The following SLC30A7 variants were observed in gnomAD, a reference collection of about 807,000 sequenced individuals.
The protein encoded by SLC30A7 is zinc transporter 7.
A neutral mutation model predicts 46.0 loss-of-function variants in SLC30A7; 35 were observed. That is an observed-to-expected ratio of 0.76 (90% CI 0.58 to 1.01). SLC30A7 has a LOEUF of 1.01. Among genes scored for constraint, SLC30A7 ranks in the 50% least tolerant of loss-of-function variants. SLC30A7 has a pLI of 0.00. For synonymous variants in SLC30A7, 147 were observed against 157.8 expected (o/e 0.93, Z 0.51); for missense variants, 464 against 451.1 (o/e 1.03, Z -0.26).
chr1:100,949,757 G>A (rs940244990), intron 8 of SLC30A7, among the ~76,000 whole-genome samples: 1 of 152,192 alleles, frequency 6.6e-6, no homozygotes, highest in Admixed American at 6.5e-5. Context: ...AGCATTGCAG[G>A]TCGATCTCAG....
At chr1:100,990,711 A>C in the SLC30A7 span, 1 of 1,343,068 alleles carries the variant, frequency 7.4e-7, no homozygotes, top group Non-Finnish European at 1.0e-6. Context: ...TTAGTACCAC[A>C]AGTACATTTC....
At chr1:100,926,325 C>T (rs954024371) in intron 8 of SLC30A7, among the ~76,000 whole-genome samples, 3 of 152,042 alleles carry the variant, frequency 2.0e-5, no homozygotes, top group Non-Finnish European at 2.9e-5. Flanking sequence ...CTCACAGTTC[C>T]GTAGGCTTTA....
chr1:100,931,250 G>A (rs546131388), intron 8 of SLC30A7, among the ~76,000 whole-genome samples: 1 of 152,210 alleles, frequency 6.6e-6, no homozygotes, highest in Admixed American at 6.5e-5. Context: ...ACAGTATCAG[G>A]TATTAATTCA....
At chr1:100,905,642 C>A (rs983054749) in intron 2 of SLC30A7, among the ~76,000 whole-genome samples, 1 of 152,002 alleles carries the variant, frequency 6.6e-6, no homozygotes, top group African/African-American at 2.4e-5. Flanking sequence ...TGTTTAACTT[C>A]TTTTGACCTA....
chr1:100,941,726 T>C, intron 8 of SLC30A7: 1 of 639,768 alleles, frequency 1.6e-6, no homozygotes, highest in Non-Finnish European at 2.9e-6. Context: ...CCATCCACCT[T>C]GTGTAGCTTT....
chr1:100,921,312 A>G (rs1276434143), intron 7 of SLC30A7, among the ~76,000 whole-genome samples: 2 of 152,130 alleles, frequency 1.3e-5, no homozygotes, highest in Non-Finnish European at 2.9e-5. Context: ...ACGTATATCT[A>G]TAGTTAAAAA....
intron 2 of SLC30A7, among the ~76,000 whole-genome samples, chr1:100,903,959 A>C (rs1446350024): frequency 1.3e-5 from 2 of 152,182 alleles, no homozygotes; most frequent in African/African-American, 2.4e-5. Context: ...ATAGTTAATA[A>C]TTAATAATGT....
At chr1:100,926,079 A>G (rs1375476074) in intron 8 of SLC30A7, among the ~76,000 whole-genome samples, 1 of 152,204 alleles carries the variant, frequency 6.6e-6, no homozygotes, top group Non-Finnish European at 1.5e-5. Flanking sequence ...GTAGGCTTCC[A>G]AGGTAAAACT....
chr1:100,907,092 A>T, intron 3 of SLC30A7, 127 bp downstream of exon 3: 1 of 603,414 alleles, frequency 1.7e-6, no homozygotes, highest in Non-Finnish European at 2.8e-6. Context: ...TGAAGCCCCC[A>T]CTCAGGCCTC....
intron 7 of SLC30A7, among the ~76,000 whole-genome samples, chr1:100,921,415 C>G (rs1570532929): frequency 6.6e-6 from 1 of 152,254 alleles, no homozygotes. Flanking sequence ...GGTGAATGTT[C>G]ACAAACAATT....
intron 10 of SLC30A7, among the ~76,000 whole-genome samples, chr1:100,969,539 G>T (rs1656044868): frequency 6.6e-6 from 1 of 152,192 alleles, no homozygotes; most frequent in South Asian, 2.1e-4. Context: ...TTTCATTCAA[G>T]TAAGTGGAAG....
chr1:100,994,565 T>A, the SLC30A7 span, among the ~76,000 whole-genome samples: 1 of 151,566 alleles, frequency 6.6e-6, no homozygotes, highest in African/African-American at 2.4e-5. Context: ...CTCACTCTGT[T>A]ACCCAGGCTG....
intron 8 of SLC30A7, among the ~76,000 whole-genome samples, chr1:100,933,004 TCTCG>T (rs1557991642): frequency 6.7e-6 from 1 of 148,158 alleles, no homozygotes; most frequent in Non-Finnish European, 1.5e-5. Context: ...TGAGACGGAG[TCTCG>T]CTCTGTCGCC....
At chr1:100,904,388 C>G (rs1039624802) in intron 2 of SLC30A7, among the ~76,000 whole-genome samples, 3 of 152,152 alleles carry the variant, frequency 2.0e-5, no homozygotes, top group African/African-American at 7.2e-5. Flanking sequence ...TTTCCCACTT[C>G]TCTACCAAAT....
intron 8 of SLC30A7, chr1:100,941,180 G>A (rs1654323675): frequency 2.7e-6 from 1 of 365,602 alleles, no homozygotes; most frequent in Non-Finnish European, 5.3e-6. Flanking sequence ...TGTTGTAATT[G>A]CCAAGATCAT....
chr1:100,900,821 T>C (rs917443130), intron 2 of SLC30A7, among the ~76,000 whole-genome samples: 7 of 152,194 alleles, frequency 4.6e-5, no homozygotes, highest in African/African-American at 1.2e-4. Flanking sequence ...GATGATTCCT[T>C]ATTTTCAATT....
In SLC30A7 at chr1:100,966,458, G is replaced by A. The variant is rs149652836; in HGVS notation, c.1083+540G>A. On this transcript the variant is annotated intron_variant, in intron 10 of 10. Coordinates refer to ENST00000357650, the MANE Select transcript of SLC30A7 (RefSeq NM_133496.5). ...AAATTAGCCGGGTGTGGTGACAGGC[G>A]ACTGTGGTTCCAGCTACTTGGGAGG... Among the ~76,000 whole-genome samples, 741 of 151,810 alleles carry A rather than the reference G, an allele frequency of 4.9e-3. 12 individuals are homozygous for A. Among genetic ancestry groups the A allele is most frequent in the African/African-American group, 0.017 (706 of 41,360 alleles).
In SLC30A7 at chr1:100,977,741, TG is replaced by T. The variant is rs953912123; in HGVS notation, c.*2885del. 2 of 152,156 alleles carry T rather than the reference TG, an allele frequency of 1.3e-5. No homozygotes were observed. Among genetic ancestry groups the T allele is most frequent in the Non-Finnish European group, 2.9e-5 (2 of 68,020 alleles). 9.4% of individuals were successfully genotyped at this position (152,156 alleles called of 1,614,324 possible). A position where few individuals can be genotyped will look rare whatever the true frequency, so the allele number is the denominator to read the frequency against. On this transcript the variant is annotated 3_prime_UTR_variant, in exon 11 of 11. Coordinates refer to ENST00000357650, the MANE Select transcript of SLC30A7 (RefSeq NM_133496.5). Reference sequence around the variant, plus strand: ...AATATAGCTATACTATCTTTGGTTTTGTTTTTTTGTTTTTTTTGTTTGTTTG... The same window carrying T: ...AATATAGCTATACTATCTTTGGTTTTTTTTTTTGTTTTTTTTGTTTGTTTG...
intron 2 of SLC30A7, among the ~76,000 whole-genome samples, chr1:100,902,754 A>G (rs1570500927): frequency 6.6e-6 from 1 of 152,074 alleles, no homozygotes; most frequent in Non-Finnish European, 1.5e-5. Flanking sequence ...CTTCTTCCAA[A>G]TTTCTCTTTT....
Sources: allele counts gnomAD v4.1 joint callset (sites outside exome capture counted in the v4.1 genomes callset), GRCh38; gene constraint gnomAD v4.1.1; transcripts MANE v1.5; gene names NCBI Gene and HGNC (gene_info 2026-07-23, HGNC 2026-07-21).